RWDD3: variants seen among roughly 807,000 people sequenced by gnomAD.
The protein encoded by RWDD3 is RWD domain containing 3, also known as RWD domain-containing protein 3.
A neutral mutation model predicts 26.5 loss-of-function variants in RWDD3; 30 were observed. The observed-to-expected ratio is 1.13, with a 90% confidence interval of 0.85 to 1.54. RWDD3 has a LOEUF of 1.54. Among genes scored for constraint, RWDD3 ranks in the 40% most tolerant of loss-of-function variants. The pLI is 0.00. For synonymous variants in RWDD3, 113 were observed against 114.5 expected, an observed-to-expected ratio of 0.99 and a Z score of 0.09; for missense variants, 296 against 309.1, an observed-to-expected ratio of 0.96 and a Z score of 0.32.
At chr1:95,245,408 ATAGGT>A (rs1680813691) in intron 2 of RWDD3, among the ~76,000 whole-genome samples, 1 of 152,240 alleles carries the variant, frequency 6.6e-6, no homozygotes, top group Admixed American at 6.5e-5. Flanking sequence ...CTACAAATCA[ATAGGT>A]TTTATACTTT....
chr1:95,241,854 C>T (rs113836079), intron 1 of RWDD3, among the ~76,000 whole-genome samples: 3 of 152,250 alleles, frequency 2.0e-5, no homozygotes, highest in East Asian at 3.9e-4. Context: ...TTAACATTGC[C>T]ACCCCTCCCC....
At chr1:95,237,985 C>A (rs1470354944) in intron 1 of RWDD3, among the ~76,000 whole-genome samples, 7 of 152,274 alleles carry the variant, frequency 4.6e-5, no homozygotes, top group African/African-American at 1.4e-4. Flanking sequence ...TGAGTGTGAG[C>A]CAACTTATGT....
intron 1 of RWDD3, among the ~76,000 whole-genome samples, chr1:95,234,973 G>T (rs1680240565): frequency 6.6e-6 from 1 of 151,858 alleles, no homozygotes; most frequent in Admixed American, 6.6e-5. Context: ...ACTCACTGCA[G>T]CCTCCGCCTC....
intron 1 of RWDD3, among the ~76,000 whole-genome samples, chr1:95,240,124 C>T (rs901184900): frequency 3.3e-5 from 5 of 152,178 alleles, no homozygotes; most frequent in African/African-American, 4.8e-5. Flanking sequence ...CTCTCGAAAT[C>T]GTTAACTTAA....
At chr1:95,235,069 C>T (rs1292161255) in intron 1 of RWDD3, among the ~76,000 whole-genome samples, 2 of 149,684 alleles carry the variant, frequency 1.3e-5, no homozygotes, top group Admixed American at 1.3e-4. Flanking sequence ...TTTTTTAAGA[C>T]GGAGTCTTGC....
intron 1 of RWDD3, among the ~76,000 whole-genome samples, chr1:95,243,871 G>C (rs571016076): frequency 6.6e-6 from 1 of 152,222 alleles, no homozygotes; most frequent in Admixed American, 6.5e-5. Flanking sequence ...GCTCATATGA[G>C]TTTATTAGGG....
intron 1 of RWDD3, among the ~76,000 whole-genome samples, chr1:95,241,867 C>G (rs1571846156): frequency 2.0e-5 from 3 of 152,156 alleles, no homozygotes; most frequent in African/African-American, 7.2e-5. Flanking sequence ...CCCTCCCCAC[C>G]CCCCCCAGGG....
intron 1 of RWDD3, chr1:95,239,883 G>C: frequency 7.8e-7 from 1 of 1,289,796 alleles, no homozygotes; most frequent in Non-Finnish European, 1.0e-6. Flanking sequence ...TTTCTTTCCT[G>C]TGGTTCCCTG....
Position 95,246,652 on chromosome 1 carries a change from C to T in RWDD3, c.684C>T (p.His228=). The stretch of plus-strand genomic sequence containing the variant: ...TTGAAACAAAAGTACAGACAGAACA[C>T]AAAAGGTATAATTTAGTACTATTGC... ...VLFETKVQTE[H]KRFLAFEVKE... The change falls in exon 3 of 4, where the codon CAC becomes CAT. Residue 228 remains histidine (H), a synonymous_variant. Transcript: ENST00000370202. The T allele has an allele frequency of 6.2e-7, 1 of 1,600,416 alleles. No homozygotes were observed. The highest frequency in any genetic ancestry group is 8.5e-7 in the Non-Finnish European group (1 of 1,169,776).
At chr1:95,236,812 A>C (rs190941998) in intron 1 of RWDD3, among the ~76,000 whole-genome samples, 6 of 152,332 alleles carry the variant, frequency 3.9e-5, no homozygotes, top group Admixed American at 3.9e-4. Flanking sequence ...GCAATTTCCC[A>C]TCACACCTTA....
At chr1:95,242,666 C>T (rs1056902493) in intron 1 of RWDD3, among the ~76,000 whole-genome samples, 1 of 152,090 alleles carries the variant, frequency 6.6e-6, no homozygotes, top group African/African-American at 2.4e-5. Flanking sequence ...TGCCTGTAAT[C>T]CCAGCACTTT....
chr1:95,240,294 T>C (rs538157098), intron 1 of RWDD3, among the ~76,000 whole-genome samples: 1 of 152,346 alleles, frequency 6.6e-6, no homozygotes, highest in African/African-American at 2.4e-5. Context: ...TTCCAAGAGC[T>C]GTATGACTGT....
chr1:95,234,752 G>A (rs950327456), intron 1 of RWDD3, among the ~76,000 whole-genome samples: 1 of 152,006 alleles, frequency 6.6e-6, no homozygotes, highest in Non-Finnish European at 1.5e-5. Flanking sequence ...TAGGTCTTAA[G>A]TTGCAGGAGG....
In RWDD3 at chr1:95,240,670, A is replaced by C. The variant is rs528842159; in HGVS notation, c.86-3541A>C. 1.4e-4 allele frequency among the ~76,000 whole-genome samples: 22 copies of C among 152,148 alleles called. No homozygotes were observed. The East Asian group carries it at 3.3e-3, about 23-fold the overall frequency. On this transcript the variant is annotated intron_variant, in intron 1 of 3. Transcript: ENST00000370202. ...CTAGGCGTTGCATGGAGGAATTTGT[A>C]ATTCATTTCATTCTGGGAGAGTGGT...
chr1:95,236,332 GA>G (rs34943862), intron 1 of RWDD3, among the ~76,000 whole-genome samples: 2,798 of 142,038 alleles, frequency 0.02, 90 homozygotes, highest in African/African-American at 0.068. Context: ...CTCTGTCTCA[GA>G]AAAAAAAAAA....
chr1:95,235,213 AT>A (rs1223538694), intron 1 of RWDD3, among the ~76,000 whole-genome samples: 13 of 144,058 alleles, frequency 9.0e-5, no homozygotes, highest in Non-Finnish European at 2.0e-4. Flanking sequence ...CGCCCGGCTA[AT>A]TTTTTGTATT....
chr1:95,234,900 CTT>C (rs575848316), intron 1 of RWDD3, among the ~76,000 whole-genome samples: 4 of 146,024 alleles, frequency 2.7e-5, no homozygotes, highest in Non-Finnish European at 3.0e-5. Flanking sequence ...TTTTCTGATA[CTT>C]TTTTTTTTTT....
intron 1 of RWDD3, among the ~76,000 whole-genome samples, chr1:95,241,270 C>A (rs902832621): frequency 1.3e-5 from 2 of 152,108 alleles, no homozygotes; most frequent in South Asian, 4.1e-4. Flanking sequence ...AGACAGTGAA[C>A]CCAGATGGAT....
At chr1:95,241,661 C>T (rs67380262) in intron 1 of RWDD3, among the ~76,000 whole-genome samples, 52,941 of 152,110 alleles carry the variant, frequency 0.35, 11,400 homozygotes, top group Middle Eastern at 0.54. Context: ...GCATCCGACC[C>T]GCAGACACTG....
Sources: allele counts gnomAD v4.1 joint callset (sites outside exome capture counted in the v4.1 genomes callset), GRCh38; gene constraint gnomAD v4.1.1; transcripts MANE v1.5; gene names NCBI Gene and HGNC (gene_info 2026-07-23, HGNC 2026-07-21).